The following UNC5A variants were observed in gnomAD, a reference collection of about 807,000 sequenced individuals.
UNC5A encodes netrin receptor UNC5A.
A neutral mutation model predicts 87.4 loss-of-function variants in UNC5A; 20 were observed. The observed-to-expected ratio is 0.23, with a 90% CI of 0.16 to 0.33. The LOEUF (loss-of-function observed/expected upper bound fraction) is 0.33. UNC5A is among the 10% of genes least tolerant of loss of function. UNC5A has a pLI of 1.00. For missense variants in UNC5A, 844 were observed against 1,133.4 expected (o/e 0.74, Z 3.67); for synonymous variants, 438 against 482.3 (o/e 0.91, Z 1.20).
Position 176,880,159 on chromosome 5 carries a change from T to C in UNC5A, c.*273T>C, listed in dbSNP as rs1381178934. 1 of 435,006 alleles carries C rather than the reference T, an allele frequency of 2.3e-6. No homozygotes were observed. Among genetic ancestry groups the C allele is most frequent in the Non-Finnish European group, 4.2e-6 (1 of 238,352 alleles). The allele number at this position is 435,006 out of a possible 1,614,324, so 26.9% of individuals were successfully genotyped here. ...GCCTGGGCCAGGCCCAGCCCATCTG[T>C]GTGTGTGTATGTGCGTGTGATGCTA... is the stretch of plus-strand genomic sequence containing the variant. On this transcript the variant is annotated 3_prime_UTR_variant, in exon 15 of 15. Transcript: ENST00000329542.
chr5:176,858,445 G>T (rs943974871), intron 1 of UNC5A, among the ~76,000 whole-genome samples: 1 of 152,154 alleles, frequency 6.6e-6, no homozygotes. Context: ...CTTCAGAAAA[G>T]GGCTGGAGCA....
At chr5:176,821,061 C>G (rs1353397256) in intron 1 of UNC5A, among the ~76,000 whole-genome samples, 3 of 152,204 alleles carry the variant, frequency 2.0e-5, no homozygotes, top group Non-Finnish European at 4.4e-5. Context: ...TAGACTACAG[C>G]TCCTGCCCCA....
At chr5:176,837,685 C>G (rs1182279624) in intron 1 of UNC5A, among the ~76,000 whole-genome samples, 1 of 152,188 alleles carries the variant, frequency 6.6e-6, no homozygotes, top group Non-Finnish European at 1.5e-5. Context: ...TGCCTTGGGC[C>G]CTTTCCAAGC....
chr5:176,828,796 G>T (rs895193552), intron 1 of UNC5A, among the ~76,000 whole-genome samples: 15 of 152,078 alleles, frequency 9.9e-5, no homozygotes, highest in Admixed American at 5.9e-4. Context: ...TGATTGGATG[G>T]CTGGGTGGAT....
At position 176,868,831 on chromosome 5, in the gene UNC5A, C is replaced by T. The variant is rs768542337; in HGVS notation, c.588C>T (p.Pro196=). ...ACCTGGTGGACCCGTCCCTGGACCC[C>T]AATGTATACATCACGCGGGAGCACA... ...NEDLVDPSLD[P]NVYITREHSL... The change falls in exon 5 of 15, where the codon CCC becomes CCT. Residue 196 remains proline (P), a synonymous_variant. Coordinates refer to ENST00000329542, the MANE Select transcript of UNC5A (RefSeq NM_133369.3). 27 of 1,612,154 alleles carry T rather than the reference C, an allele frequency of 1.7e-5. No homozygotes were observed. In the East Asian group the frequency reaches 5.1e-4, roughly 31 times the overall value.
At chr5:176,812,298 G>A (rs1475631531) in intron 1 of UNC5A, among the ~76,000 whole-genome samples, 1 of 152,200 alleles carries the variant, frequency 6.6e-6, no homozygotes, top group Non-Finnish European at 1.5e-5. Context: ...CAGGTGGGGT[G>A]TTGCCTGACA....
At chr5:176,873,606 C>G (rs1204386436) in intron 6 of UNC5A, among the ~76,000 whole-genome samples, 3 of 152,154 alleles carry the variant, frequency 2.0e-5, no homozygotes, top group Non-Finnish European at 4.4e-5. Context: ...AGTTCACCCC[C>G]AGCCCAAGCT....
In UNC5A at chr5:176,880,139, G is replaced by A. The variant is rs1561673644; in HGVS notation, c.*253G>A. The A allele has an allele frequency of 2.0e-6, 1 of 508,356 alleles. No homozygotes were observed. The highest frequency in any genetic ancestry group is 3.5e-6 in the Non-Finnish European group (1 of 282,028). 31.5% of individuals were successfully genotyped at this position (508,356 alleles called of 1,614,324 possible). A position where few individuals can be genotyped will look rare whatever the true frequency, so the allele number is the denominator to read the frequency against. ...CAGGAGGGACAGTGCCTGGAGCCTG[G>A]GCCAGGCCCAGCCCATCTGTGTGTG... is the stretch of plus-strand genomic sequence containing the variant. On this transcript the variant is annotated 3_prime_UTR_variant, in exon 15 of 15. Coordinates refer to ENST00000329542, the MANE Select transcript of UNC5A (RefSeq NM_133369.3).
chr5:176,870,740 G>A (rs975352813), intron 6 of UNC5A, among the ~76,000 whole-genome samples: 2 of 151,910 alleles, frequency 1.3e-5, no homozygotes, highest in African/African-American at 4.8e-5. Context: ...CCTGAGACGG[G>A]CACAGATTTG....
chr5:176,879,504 G>A lies in UNC5A; in HGVS notation c.2363+16G>A. 1 of 1,596,266 alleles carries A rather than the reference G, an allele frequency of 6.3e-7. No homozygotes were observed. The highest frequency in any genetic ancestry group is 8.5e-7 in the Non-Finnish European group (1 of 1,171,926). ...ACCTGGACAGGTGGGCGGGAGAGGG[G>A]CAGAGAGGGCCTGCGCAGGCCACCG... On this transcript the variant is annotated intron_variant, in intron 14 of 14. Coordinates refer to ENST00000329542, the MANE Select transcript of UNC5A (RefSeq NM_133369.3).
At chr5:176,858,045 C>T (rs187461171) in intron 1 of UNC5A, among the ~76,000 whole-genome samples, 151 of 152,346 alleles carry the variant, frequency 9.9e-4, no homozygotes, top group African/African-American at 3.4e-3. Context: ...TGTTCTCACA[C>T]GCCCGTCCGT....
chr5:176,867,312 G>C (rs1052021972), intron 2 of UNC5A, among the ~76,000 whole-genome samples: 1 of 152,178 alleles, frequency 6.6e-6, no homozygotes, highest in Admixed American at 6.5e-5. Flanking sequence ...GCCTGCCTCA[G>C]GCCAGATATG....
rs768631914 is a variant in UNC5A at position 176,879,426 on chromosome 5, G to A, written c.2301G>A (p.Leu767=). The change falls in exon 14 of 15, where the codon CTG becomes CTA. Residue 767 remains leucine, a synonymous_variant. Coordinates refer to ENST00000329542, the MANE Select transcript of UNC5A (RefSeq NM_133369.3). Reference sequence around the variant, plus strand: ...TTCGGCAGAAGATAATTTCCAGCCTGGACCCACCCTGTAGGCGGGGTGCCG... The same window carrying A: ...TTCGGCAGAAGATAATTTCCAGCCTAGACCCACCCTGTAGGCGGGGTGCCG... ...FLIRQKIISS[L]DPPCRRGADW... 1 of 1,612,702 alleles carries A rather than the reference G, an allele frequency of 6.2e-7. No homozygotes were observed. The highest frequency in any genetic ancestry group is 1.3e-5 in the African/African-American group (1 of 74,932).
chr5:176,851,180 T>C (rs936995028), intron 1 of UNC5A, among the ~76,000 whole-genome samples: 1 of 152,262 alleles, frequency 6.6e-6, no homozygotes, highest in Non-Finnish European at 1.5e-5. Flanking sequence ...TGCCTCTCCA[T>C]GCCTCAGTTT....
intron 1 of UNC5A, among the ~76,000 whole-genome samples, chr5:176,854,172 T>C (rs1490953213): frequency 1.3e-5 from 2 of 152,112 alleles, no homozygotes; most frequent in Non-Finnish European, 2.9e-5. Context: ...TGGACTCTCA[T>C]GGCTCTTACT....
intron 13 of UNC5A, 142 bp downstream of exon 13, chr5:176,878,781 C>T (rs1287954858): frequency 8.7e-7 from 1 of 1,150,902 alleles, no homozygotes; most frequent in Admixed American, 2.6e-5. Context: ...CCTAGAAACC[C>T]CTTGGCAGCT....
In UNC5A at chr5:176,866,671, C is replaced by A. The variant is rs917797150; in HGVS notation, c.293-1459C>A. Among the ~76,000 whole-genome samples, 1 of 152,162 alleles carries A rather than the reference C, an allele frequency of 6.6e-6. No homozygotes were observed. The highest frequency in any genetic ancestry group is 1.5e-5 in the Non-Finnish European group (1 of 68,014). On this transcript the variant is annotated intron_variant, in intron 2 of 14. Coordinates refer to ENST00000329542, the MANE Select transcript of UNC5A (RefSeq NM_133369.3). The surrounding 1 kb of genome is among the most constrained non-coding windows in gnomAD (Gnocchi z 5.0). Reference sequence around the variant, plus strand: ...GGATGAAGGGAGTGGAGGGCCCCTCCCCAGATCTCCTTATCAGATGCCCTA... The same window carrying A: ...GGATGAAGGGAGTGGAGGGCCCCTCACCAGATCTCCTTATCAGATGCCCTA...
chr5:176,877,028 C>G (rs571366759), intron 8 of UNC5A, among the ~76,000 whole-genome samples, 164 bp from the exon 9 acceptor site: 2 of 152,328 alleles, frequency 1.3e-5, no homozygotes, highest in East Asian at 1.9e-4. Flanking sequence ...CAGCTTCATG[C>G]CTGTGGGGGT....
intron 1 of UNC5A, among the ~76,000 whole-genome samples, chr5:176,813,720 CCCCTGTCCTCACGA>C (rs1156530400): frequency 2.0e-5 from 3 of 152,226 alleles, no homozygotes; most frequent in Non-Finnish European, 4.4e-5. Context: ...GGCCAGAGAG[CCCCTGTCCTCACGA>C]CCCTTCTTCC....
Sources: allele counts gnomAD v4.1 joint callset (sites outside exome capture counted in the v4.1 genomes callset), GRCh38; gene constraint gnomAD v4.1.1; non-coding constraint Gnocchi (gnomAD v3.1); transcripts MANE v1.5; gene names NCBI Gene and HGNC (gene_info 2026-07-23, HGNC 2026-07-21).